Variants in SEMA4D observed in about 807,000 individuals in gnomAD.
The protein encoded by SEMA4D is semaphorin 4D.
In SEMA4D, 22 loss-of-function variants were observed where a neutral mutation model predicts 74.8. The observed-to-expected ratio is 0.29, with a 90% confidence interval of 0.21 to 0.42. The LOEUF (loss-of-function observed/expected upper bound fraction) is 0.42. Among genes scored for constraint, SEMA4D ranks in the 10% least tolerant of loss-of-function variants. The pLI, the probability that SEMA4D is intolerant of heterozygous loss-of-function variation, is 1.00. For missense variants in SEMA4D, 937 were observed against 1,118.4 expected, an observed-to-expected ratio of 0.84 and a Z score of 2.31; for synonymous variants, 445 against 463.7, an observed-to-expected ratio of 0.96 and a Z score of 0.52.
Position 89,396,846 on chromosome 9 carries a change from G to C in SEMA4D, c.316-11C>G. ...GTTGAGGCACTCTGTCTGCAGGGAA[G>C]AGAAATGCACCATTAGCAACCGTCC... On this transcript the variant is annotated splice_polypyrimidine_tract_variant and intron_variant, in intron 5 of 15. Transcript: ENST00000422704. 2 of 1,610,606 alleles carry C rather than the reference G, an allele frequency of 1.2e-6. No homozygotes were observed. Among genetic ancestry groups the C allele is most frequent in the Non-Finnish European group, 8.5e-7 (1 of 1,177,944 alleles).
At chr9:89,404,349 G>A (rs1842821298) in intron 3 of SEMA4D, among the ~76,000 whole-genome samples, 1 of 152,166 alleles carries the variant, frequency 6.6e-6, no homozygotes, top group Non-Finnish European at 1.5e-5. Flanking sequence ...CCTGTCAGGG[G>A]TCCCCAGATT....
At chr9:89,411,026 C>T (rs892000960) in intron 2 of SEMA4D, among the ~76,000 whole-genome samples, 1 of 152,182 alleles carries the variant, frequency 6.6e-6, no homozygotes, top group Non-Finnish European at 1.5e-5. Context: ...ATTTGCTCCA[C>T]CAAAACAAGG....
At chr9:89,444,776 A>G (rs1852440854) in intron 2 of SEMA4D, among the ~76,000 whole-genome samples, 1 of 152,176 alleles carries the variant, frequency 6.6e-6, no homozygotes, top group Admixed American at 6.5e-5. Context: ...CTAAGAGAAA[A>G]GAGACATATT....
intron 1 of SEMA4D, among the ~76,000 whole-genome samples, chr9:89,463,574 A>G (rs902245640): frequency 1.3e-5 from 2 of 152,142 alleles, no homozygotes; most frequent in Non-Finnish European, 2.9e-5. Context: ...GGGAGGTACA[A>G]AACTAATTAG....
At chr9:89,404,173 T>G (rs1459515611) in intron 3 of SEMA4D, among the ~76,000 whole-genome samples, 2 of 152,038 alleles carry the variant, frequency 1.3e-5, no homozygotes, top group African/African-American at 4.8e-5. Flanking sequence ...AAAAAAAAAC[T>G]AAACAGCAGG....
intron 2 of SEMA4D, among the ~76,000 whole-genome samples, chr9:89,437,688 CTGA>C (rs1850757986): frequency 6.6e-6 from 1 of 152,178 alleles, no homozygotes; most frequent in Non-Finnish European, 1.5e-5. Flanking sequence ...GGAGGTCTGG[CTGA>C]TGTGTCCAGG....
chr9:89,369,865 A>AGTGT (rs112473972), intron 16 of SEMA4D, among the ~76,000 whole-genome samples: 7,168 of 138,754 alleles, frequency 0.052, 568 homozygotes, highest in African/African-American at 0.18. Flanking sequence ...CTAAGTCAAC[A>AGTGT]ATGTGTGTGT....
rs575273264 is a variant in SEMA4D, at chr9:89,442,174, A to C, written c.-244+13714T>G. Among the ~76,000 whole-genome samples the C allele has an allele frequency of 3.1e-5, 4 of 130,998 alleles. No homozygotes were observed. In the South Asian group the frequency reaches 1.0e-3, roughly 34 times the overall value. 85.9% of individuals were successfully genotyped at this position (130,998 alleles called of 152,430 possible). A position where few individuals can be genotyped will look rare whatever the true frequency, so the allele number is the denominator to read the frequency against. On this transcript the variant is annotated intron_variant, in intron 2 of 15. Coordinates refer to ENST00000422704, the MANE Select transcript of SEMA4D (RefSeq NM_001371194.2). The stretch of plus-strand genomic sequence containing the variant: ...CAGGACACATCTTCAGGCCAGAGAC[A>C]TGGTTTGCTGCGCCGTACGGCCCAG...
intron 2 of SEMA4D, among the ~76,000 whole-genome samples, chr9:89,437,153 T>C (rs139427469): frequency 1.3e-5 from 2 of 152,294 alleles, no homozygotes; most frequent in Non-Finnish European, 2.9e-5. Flanking sequence ...TGGCCTCTTT[T>C]GTTAGGGGCT....
intron 1 of SEMA4D, among the ~76,000 whole-genome samples, chr9:89,469,413 T>C (rs1859617894): frequency 6.6e-6 from 1 of 152,074 alleles, no homozygotes; most frequent in Non-Finnish European, 1.5e-5. Flanking sequence ...GGAAAAAACA[T>C]TTCCCAACTT....
intron 2 of SEMA4D, among the ~76,000 whole-genome samples, chr9:89,423,465 T>C (rs895670321): frequency 6.6e-6 from 1 of 152,166 alleles, no homozygotes; most frequent in Admixed American, 6.5e-5. Context: ...GCTGGGATTA[T>C]AGGCATGAGC....
chr9:89,480,480 C>T (rs139932307), intron 1 of SEMA4D, among the ~76,000 whole-genome samples: 9,042 of 152,252 alleles, frequency 0.059, 599 homozygotes, highest in East Asian at 0.35. Flanking sequence ...TGGCTCTCGT[C>T]GGGGAGGCTC....
chr9:89,383,119 T>TA (rs1289138307), intron 13 of SEMA4D, among the ~76,000 whole-genome samples: 2 of 152,244 alleles, frequency 1.3e-5, no homozygotes, highest in East Asian at 3.9e-4. Context: ...CAGCCAGCTG[T>TA]AACTGCTGCA....
At chr9:89,366,516 A>T (rs935735194) in intron 16 of SEMA4D, among the ~76,000 whole-genome samples, 2 of 151,580 alleles carry the variant, frequency 1.3e-5, no homozygotes, top group African/African-American at 2.4e-5. Context: ...TGCAGAATTT[A>T]AAAAAAAACA....
At chr9:89,408,598 T>C (rs1394724835) in intron 2 of SEMA4D, among the ~76,000 whole-genome samples, 1 of 151,998 alleles carries the variant, frequency 6.6e-6, no homozygotes, top group East Asian at 1.9e-4. Flanking sequence ...GGCTGCCCCA[T>C]CCCTTAAAGC....
At chr9:89,373,298 A>T (rs900315188), downstream of SEMA4D, among the ~76,000 whole-genome samples, 7 of 152,184 alleles carry the variant, frequency 4.6e-5, no homozygotes, top group Middle Eastern at 3.2e-3. Context: ...CCTTTCAGGA[A>T]GCGCTTTGGC....
intron 2 of SEMA4D, among the ~76,000 whole-genome samples, chr9:89,452,464 C>T (rs1854824516): frequency 6.6e-6 from 1 of 151,830 alleles, no homozygotes; most frequent in African/African-American, 2.4e-5. Flanking sequence ...AGGTGTGAGC[C>T]ACCGCACCCA....
chr9:89,459,183 A>AC, intron 1 of SEMA4D, among the ~76,000 whole-genome samples: 1 of 152,170 alleles, frequency 6.6e-6, no homozygotes. Context: ...CTGCAGCAGA[A>AC]CCCCTGGCAA....
At chr9:89,483,559 A>G (rs1176491514) in intron 1 of SEMA4D, among the ~76,000 whole-genome samples, 1 of 152,196 alleles carries the variant, frequency 6.6e-6, no homozygotes, top group African/African-American at 2.4e-5. Flanking sequence ...AAATTTTTAC[A>G]TTTCCATGCA....
Sources: gnomAD v4.1 joint callset for allele counts (sites outside exome capture counted in the v4.1 genomes callset) on GRCh38, gnomAD v4.1.1 for gene constraint, MANE v1.5 for transcripts, NCBI Gene and HGNC (gene_info 2026-07-23, HGNC 2026-07-21) for gene names.